Variants in C9orf50 observed in about 807,000 individuals in gnomAD.
C9orf50 encodes uncharacterized protein C9orf50.
A neutral mutation model predicts 42.5 loss-of-function variants in C9orf50; 33 were observed. The observed-to-expected ratio is 0.78, with a 90% confidence interval of 0.59 to 1.04. C9orf50 has a LOEUF of 1.04. Ranked by LOEUF, C9orf50 falls within the 50% of genes least tolerant of loss-of-function variation. The pLI is 0.00. For synonymous variants in C9orf50, 257 were observed against 273.4 expected, an observed-to-expected ratio of 0.94 and a Z score of 0.59; for missense variants, 547 against 594.3, an observed-to-expected ratio of 0.92 and a Z score of 0.83.
At position 129,620,613 on chromosome 9, in the gene C9orf50, C is replaced by T. The variant is rs761064991; in HGVS notation, c.-39G>A. ...CTCAGCTCACCGCACCCTCAGCGCG[C>T]GTGGGTGGGGGGCGCCGGCTGAGGT... On this transcript the variant is annotated 5_prime_UTR_variant, in exon 1 of 7. Coordinates refer to ENST00000372478, the Ensembl canonical transcript of C9orf50. This position sits in a 1 kb window ranked among gnomAD's most constrained non-coding sequence, Gnocchi z 5.8. The T allele has an allele frequency of 7.7e-7, 1 of 1,302,166 alleles. No individual in the cohort carries two copies. Among genetic ancestry groups the T allele is most frequent in the Admixed American group, 3.1e-5 (1 of 31,978 alleles). The allele number at this position is 1,302,166 out of a possible 1,614,324, so 80.7% of individuals were successfully genotyped here.
rs1830600058 is a variant in C9orf50, at chr9:129,620,037, G to T, written c.508+30C>A. 6.9e-7 allele frequency: 1 copy of T among 1,454,486 alleles called. No individual in the cohort carries two copies. The highest frequency in any genetic ancestry group is 9.1e-7 in the Non-Finnish European group (1 of 1,101,270). 90.1% of individuals were successfully genotyped at this position (1,454,486 alleles called of 1,614,324 possible). A position where few individuals can be genotyped will look rare whatever the true frequency, so the allele number is the denominator to read the frequency against. ...CCACCCCCCACCGGAAATGACTCGG[G>T]CCCGCCCCCCGGGCCCCGCGGGGCC... On this transcript the variant is annotated intron_variant, in intron 1 of 6. Transcript: ENST00000372478. The surrounding 1 kb of genome is among the most constrained non-coding windows in gnomAD (Gnocchi z 5.8).
intron 3 of C9orf50, among the ~76,000 whole-genome samples, chr9:129,618,344 T>C (rs76587076): frequency 0.018 from 2,789 of 152,180 alleles, 74 homozygotes; most frequent in East Asian, 0.064. Flanking sequence ...ATTCAACATA[T>C]AGTAAAACCT....
chr9:129,620,446 A>T lies in C9orf50; in HGVS notation c.129T>A (p.Ala43=). ...AGTCCCCGGAGCCCCGCGCGCCCAG[A>T]GCCGCTCGGAGCGCGGGCGGGGTCA... The change falls in exon 1 of 7, where the codon GCT becomes GCA. Residue 43 remains alanine (A), a synonymous_variant. Coordinates refer to ENST00000372478, the Ensembl canonical transcript of C9orf50. This position sits in a 1 kb window ranked among gnomAD's most constrained non-coding sequence, Gnocchi z 5.8. 1.5e-6 allele frequency: 2 copies of T among 1,308,924 alleles called. No homozygotes were observed. The highest frequency in any genetic ancestry group is 4.1e-5 in the South Asian group (2 of 49,134). 81.1% of individuals were successfully genotyped at this position (1,308,924 alleles called of 1,614,324 possible).
upstream of C9orf50, among the ~76,000 whole-genome samples, chr9:129,621,181 T>C (rs1830691349): frequency 1.3e-5 from 2 of 152,206 alleles, no homozygotes; most frequent in African/African-American, 4.8e-5. Flanking sequence ...TTAGGAAACC[T>C]GGAACCAGCT....
Position 129,620,073 on chromosome 9 carries a change from G to A in C9orf50, c.502C>T (p.Pro168Ser), listed in dbSNP as rs1488782453. The A allele has an allele frequency of 5.5e-6, 8 of 1,452,504 alleles. No individual in the cohort carries two copies. The highest frequency in any genetic ancestry group is 7.3e-6 in the Non-Finnish European group (8 of 1,100,308). 90.0% of individuals were successfully genotyped at this position (1,452,504 alleles called of 1,614,324 possible). A position where few individuals can be genotyped will look rare whatever the true frequency, so the allele number is the denominator to read the frequency against. The change falls in exon 1 of 7, where the codon CCA (proline) becomes TCA (serine). Residue 168 changes from proline to serine, a missense_variant. Pro to Ser is a moderately conservative substitution (Grantham distance 74, BLOSUM62 -1). Coordinates refer to ENST00000372478, the Ensembl canonical transcript of C9orf50. This position sits in a 1 kb window ranked among gnomAD's most constrained non-coding sequence, Gnocchi z 5.8. The stretch of plus-strand genomic sequence containing the variant: ...GGGCCCCGCGGGGCCTCACTCAGTG[G>A]CTCCGGCTCCTCGGCGCACTTCTCC...
rs529316124 is a variant in C9orf50, at chr9:129,614,885, G to C, written c.880+599C>G. Among the ~76,000 whole-genome samples the C allele has an allele frequency of 7.0e-3, 1,060 of 152,072 alleles. 35 individuals carry two copies. Among genetic ancestry groups the C allele is most frequent in the Admixed American group, 0.042 (647 of 15,272 alleles). ...CCACTGCACTCCAGCCTGGGCGACA[G>C]AGTGAGACTCCGTATCAGAAAAAAA... On this transcript the variant is annotated intron_variant, in intron 4 of 6. Coordinates refer to ENST00000372478, the Ensembl canonical transcript of C9orf50. The surrounding 1 kb of genome is among the most constrained non-coding windows in gnomAD (Gnocchi z 4.4).
chr9:129,612,533 T>A, intron 6 of C9orf50, 79 bp from the exon 7 acceptor site: 2 of 1,122,940 alleles, frequency 1.8e-6, no homozygotes, highest in Non-Finnish European at 2.6e-6. Flanking sequence ...GATTCTGTGC[T>A]GAAGCCCTGT....
Position 129,620,054 on chromosome 9 carries a change from C to A in C9orf50, c.508+13G>T, listed in dbSNP as rs1564338916. The stretch of plus-strand genomic sequence containing the variant: ...TGACTCGGGCCCGCCCCCCGGGCCC[C>A]GCGGGGCCTCACTCAGTGGCTCCGG... On this transcript the variant is annotated intron_variant, in intron 1 of 6. Coordinates refer to ENST00000372478, the Ensembl canonical transcript of C9orf50. This position sits in a 1 kb window ranked among gnomAD's most constrained non-coding sequence, Gnocchi z 5.8. 1 of 1,453,980 alleles carries A rather than the reference C, an allele frequency of 6.9e-7. No homozygotes were observed. 90.1% of individuals were successfully genotyped at this position (1,453,980 alleles called of 1,614,324 possible).
Position 129,613,296 on chromosome 9 carries a change from C to T in C9orf50, c.1044-45G>A, listed in dbSNP as rs577075699. 13 of 1,569,966 alleles carry T rather than the reference C, an allele frequency of 8.3e-6. No individual in the cohort carries two copies. Among genetic ancestry groups the T allele is most frequent in the African/African-American group, 1.4e-5 (1 of 73,498 alleles). On this transcript the variant is annotated intron_variant, in intron 5 of 6. Coordinates refer to ENST00000372478, the Ensembl canonical transcript of C9orf50. The surrounding 1 kb of genome is among the most constrained non-coding windows in gnomAD (Gnocchi z 6.2). ...ATGAGCTTCCTGGACTCTGAGTCCC[C>T]GGCCCACCCATGGCTGGCAGGGCCC...
At position 129,615,773 on chromosome 9, in the gene C9orf50, G is replaced by A. The variant is rs112168737; in HGVS notation, c.717-126C>T. ...ACACTGGTCTTGAAGAATGGATAACGCCAATCACAGCAGCCGGCCTTAACG... is the reference window on the plus strand; with the variant it reads ...ACACTGGTCTTGAAGAATGGATAACACCAATCACAGCAGCCGGCCTTAACG... On this transcript the variant is annotated intron_variant, in intron 3 of 6. Coordinates refer to ENST00000372478, the Ensembl canonical transcript of C9orf50. 342 of 1,050,106 alleles carry A rather than the reference G, an allele frequency of 3.3e-4. 3 individuals are homozygous for A. The African/African-American group carries it at 4.8e-3, about 15-fold the overall frequency. The allele number at this position is 1,050,106 out of a possible 1,614,324, so 65.0% of individuals were successfully genotyped here.
chr9:129,612,647 G>A (rs1312932515), intron 6 of C9orf50, among the ~76,000 whole-genome samples, 193 bp from the exon 7 acceptor site: 2 of 152,240 alleles, frequency 1.3e-5, no homozygotes, highest in Admixed American at 6.5e-5. Context: ...GGAGGCCAAG[G>A]CGGACAGATC....
At chr9:129,615,403 T>C (rs1001325390) in intron 4 of C9orf50, 81 bp downstream of exon 4, 26 of 1,424,578 alleles carry the variant, frequency 1.8e-5, no homozygotes, top group Non-Finnish European at 2.4e-5. Flanking sequence ...TCCCTCACTC[T>C]AGGGGCCCGG....
chr9:129,617,351 C>T (rs977406340), intron 3 of C9orf50, among the ~76,000 whole-genome samples: 8 of 152,220 alleles, frequency 5.3e-5, no homozygotes, highest in African/African-American at 1.7e-4. Flanking sequence ...GGAACCCCTG[C>T]TCTCTGCTGG....
At chr9:129,612,542 G>T in intron 6 of C9orf50, 88 bp from the exon 7 acceptor site, 1 of 994,584 alleles carries the variant, frequency 1.0e-6, no homozygotes, top group Non-Finnish European at 1.5e-6. Context: ...CTGAAGCCCT[G>T]TTGGGCAGGT....
chr9:129,618,160 A>G (rs1430775791), intron 3 of C9orf50, among the ~76,000 whole-genome samples: 1 of 151,998 alleles, frequency 6.6e-6, no homozygotes, highest in Admixed American at 6.6e-5. Context: ...TGGTCTTTAA[A>G]CTCATGGGCA....
chr9:129,612,524 A>T, intron 6 of C9orf50, 70 bp from the exon 7 acceptor site: 1 of 1,227,768 alleles, frequency 8.1e-7, no homozygotes. Flanking sequence ...TCCCAGTGGG[A>T]TTCTGTGCTG....
chr9:129,616,439 C>T (rs1054891630), intron 3 of C9orf50, among the ~76,000 whole-genome samples: 2 of 152,124 alleles, frequency 1.3e-5, no homozygotes, highest in South Asian at 2.1e-4. Flanking sequence ...TGGTCCCGAA[C>T]GCCTGACCTC....
At position 129,614,301 on chromosome 9, in the gene C9orf50, C is replaced by T. The variant is rs531519168; in HGVS notation, c.881-704G>A. 2.6e-4 allele frequency among the ~76,000 whole-genome samples: 39 copies of T among 152,262 alleles called. No individual in the cohort carries two copies. The highest frequency in any genetic ancestry group is 3.4e-4 in the Non-Finnish European group (23 of 68,026). On this transcript the variant is annotated intron_variant, in intron 4 of 6. Transcript: ENST00000372478. The surrounding 1 kb of genome is among the most constrained non-coding windows in gnomAD (Gnocchi z 4.4). ...CCCCACCAAACAAACAGAAGTTGGG[C>T]AAAAATCACAGCTTCTAACTCCAGC... is the stretch of plus-strand genomic sequence containing the variant.
chr9:129,621,112 G>C (rs763264997), upstream of C9orf50, among the ~76,000 whole-genome samples: 4 of 152,238 alleles, frequency 2.6e-5, no homozygotes, highest in Non-Finnish European at 4.4e-5. Flanking sequence ...AGAGCACTTA[G>C]CCTGCCTTGC....
Sources: gnomAD v4.1 joint callset for allele counts (sites outside exome capture counted in the v4.1 genomes callset) on GRCh38, gnomAD v4.1.1 for gene constraint, Gnocchi (gnomAD v3.1) non-coding constraint, MANE v1.5 for transcripts, NCBI Gene and HGNC (gene_info 2026-07-23, HGNC 2026-07-21) for gene names.